Variants in GLIS1 observed in about 807,000 individuals in gnomAD.
The protein encoded by GLIS1 is GLIS family zinc finger 1.
Under a neutral mutation model 63.8 loss-of-function variants are expected in GLIS1, and 24 were observed. That is an observed-to-expected ratio of 0.38 (90% CI 0.27 to 0.53). GLIS1 has a LOEUF of 0.53. GLIS1 is among the 20% of genes least tolerant of loss of function. The pLI, the probability that GLIS1 is intolerant of heterozygous loss-of-function variation, is 0.85. For synonymous variants in GLIS1, 450 were observed against 482.5 expected (o/e 0.93, Z 0.88); for missense variants, 1,036 against 1,074.1 (o/e 0.96, Z 0.50).
intron 4 of GLIS1, among the ~76,000 whole-genome samples, chr1:53,530,473 G>A (rs1482079667): frequency 1.3e-5 from 2 of 152,208 alleles, no homozygotes; most frequent in East Asian, 3.9e-4. Flanking sequence ...GCCCCAGGGG[G>A]TAGGACATTG....
At chr1:53,513,926 G>T (rs1644323086) in intron 8 of GLIS1, among the ~76,000 whole-genome samples, 1 of 152,250 alleles carries the variant, frequency 6.6e-6, no homozygotes, top group African/African-American at 2.4e-5. Flanking sequence ...GGCCTGCGGG[G>T]ACAAGGTGAT....
intron 10 of GLIS1, among the ~76,000 whole-genome samples, chr1:53,508,339 T>C (rs1045974174): frequency 3.3e-5 from 5 of 152,236 alleles, no homozygotes; most frequent in Non-Finnish European, 7.4e-5. Flanking sequence ...TCAGTGCTTG[T>C]CCCTATATAC....
At chr1:53,663,546 G>A (rs771890677) in intron 2 of GLIS1, among the ~76,000 whole-genome samples, 3 of 152,242 alleles carry the variant, frequency 2.0e-5, no homozygotes, top group Non-Finnish European at 1.5e-5. Context: ...GAATCCAGAG[G>A]GGAGAACCCC....
intron 2 of GLIS1, among the ~76,000 whole-genome samples, chr1:53,670,677 G>A (rs1646141842): frequency 6.6e-6 from 1 of 152,190 alleles, no homozygotes; most frequent in African/African-American, 2.4e-5. Flanking sequence ...CAAAGCTCCA[G>A]TGTCTATGTA....
Position 53,598,737 on chromosome 1 carries a change from A to G in GLIS1, c.437+1364T>C, listed in dbSNP as rs1052971006. On this transcript the variant is annotated intron_variant, in intron 3 of 10. Coordinates refer to ENST00000628545, the MANE Select transcript of GLIS1 (RefSeq NM_001367484.1). This position sits in a 1 kb window ranked among gnomAD's most constrained non-coding sequence, Gnocchi z 4.6. Reference sequence around the variant, plus strand: ...AACCACCTAGTCCATGGCATTTGCTATGGCAGCCTAAACAAACGAATACAC... The same window carrying G: ...AACCACCTAGTCCATGGCATTTGCTGTGGCAGCCTAAACAAACGAATACAC... 6.6e-6 allele frequency among the ~76,000 whole-genome samples: 1 copy of G among 152,326 alleles called. No individual in the cohort carries two copies. Among genetic ancestry groups the G allele is most frequent in the South Asian group, 2.1e-4 (1 of 4,832 alleles).
At chr1:53,567,748 G>A (rs1644947476) in intron 4 of GLIS1, among the ~76,000 whole-genome samples, 1 of 152,262 alleles carries the variant, frequency 6.6e-6, no homozygotes, top group Non-Finnish European at 1.5e-5. Context: ...TACAAGTCAG[G>A]TCATTGCTTC....
chr1:53,548,433 G>C (rs1055598843), intron 4 of GLIS1, among the ~76,000 whole-genome samples: 1 of 152,204 alleles, frequency 6.6e-6, no homozygotes, highest in Non-Finnish European at 1.5e-5. Flanking sequence ...ACGCATGGAC[G>C]CCTGCTCCAG....
At chr1:53,573,355 G>T (rs1004405431) in intron 4 of GLIS1, among the ~76,000 whole-genome samples, 1 of 152,006 alleles carries the variant, frequency 6.6e-6, no homozygotes, top group Non-Finnish European at 1.5e-5. Context: ...CAGTGGCGGT[G>T]GGGGGAGACC....
At chr1:53,643,709 C>A (rs1569974376) in intron 2 of GLIS1, among the ~76,000 whole-genome samples, 1 of 152,162 alleles carries the variant, frequency 6.6e-6, no homozygotes, top group Admixed American at 6.5e-5. Flanking sequence ...GAGGGTGAGG[C>A]CTCCTCCTAC....
At chr1:53,561,834 G>A (rs985749229) in intron 4 of GLIS1, among the ~76,000 whole-genome samples, 1 of 152,190 alleles carries the variant, frequency 6.6e-6, no homozygotes, top group African/African-American at 2.4e-5. Flanking sequence ...GGTCCAGAGG[G>A]TGTCCAGAGA....
At chr1:53,510,653 A>C (rs1186263067) in intron 8 of GLIS1, among the ~76,000 whole-genome samples, 2 of 152,206 alleles carry the variant, frequency 1.3e-5, no homozygotes, top group Non-Finnish European at 2.9e-5. Flanking sequence ...GGTGACATTA[A>C]AGCAATATAG....
chr1:53,674,440 G>GT lies in GLIS1; in HGVS notation c.259+63365dup, dbSNP rs561889118. On this transcript the variant is annotated intron_variant, in intron 2 of 10. Transcript: ENST00000628545. ...GGTACAGGAAAGTGTAAGAAACACT[G>GT]TTTTTAAAATCACAGGTCTAAATTA... 9.2e-5 allele frequency among the ~76,000 whole-genome samples: 14 copies of GT among 152,316 alleles called. 1 individual carries two copies. The South Asian group carries it at 1.4e-3, about 16-fold the overall frequency.
chr1:53,544,194 C>T (rs1193439989), intron 4 of GLIS1, among the ~76,000 whole-genome samples: 8 of 152,316 alleles, frequency 5.3e-5, no homozygotes, highest in South Asian at 2.1e-4. Context: ...TGTGCTGAAC[C>T]GCTCGGCTAT....
intron 2 of GLIS1, among the ~76,000 whole-genome samples, chr1:53,620,232 T>A (rs1378514744): frequency 6.6e-6 from 1 of 152,212 alleles, no homozygotes; most frequent in Admixed American, 6.5e-5. Context: ...ACAGATGACC[T>A]CATTAGTCCT....
Position 53,506,460 on chromosome 1 carries a change from G to T in GLIS1, c.*159C>A. 5 of 722,420 alleles carry T rather than the reference G, an allele frequency of 6.9e-6. No homozygotes were observed. Among genetic ancestry groups the T allele is most frequent in the Middle Eastern group, 4.0e-4 (1 of 2,530 alleles). The allele number at this position is 722,420 out of a possible 1,614,324, so 44.8% of individuals were successfully genotyped here. On this transcript the variant is annotated 3_prime_UTR_variant, in exon 11 of 11. Transcript: ENST00000628545. ...AAGCTCGGATGGCGGCTCCCTGGCA[G>T]CGCTGGGTGGGGTGGCAGCGCTGGC... is the stretch of plus-strand genomic sequence containing the variant.
At chr1:53,587,856 C>A (rs531681021) in intron 4 of GLIS1, among the ~76,000 whole-genome samples, 25 of 152,304 alleles carry the variant, frequency 1.6e-4, no homozygotes, top group African/African-American at 5.8e-4. Flanking sequence ...TCTGGATATT[C>A]TCTCAATGTT....
chr1:53,639,633 G>A lies in GLIS1; in HGVS notation c.260-39355C>T, dbSNP rs1003402701. On this transcript the variant is annotated intron_variant, in intron 2 of 10. Coordinates refer to ENST00000628545, the MANE Select transcript of GLIS1 (RefSeq NM_001367484.1). The surrounding 1 kb of genome is among the most constrained non-coding windows in gnomAD (Gnocchi z 4.6). ...AATATTTTCTTTCCTGTCTTACCTC[G>A]GAGACAGGGTGGGGCTTTTTTTTTC... Among the ~76,000 whole-genome samples, 25 of 152,204 alleles carry A rather than the reference G, an allele frequency of 1.6e-4. No individual in the cohort carries two copies. The highest frequency in any genetic ancestry group is 2.6e-4 in the African/African-American group (11 of 41,518).
At chr1:53,551,538 G>C (rs1644759553) in intron 4 of GLIS1, among the ~76,000 whole-genome samples, 1 of 152,154 alleles carries the variant, frequency 6.6e-6, no homozygotes, top group Non-Finnish European at 1.5e-5. Flanking sequence ...TGGGCTTCTG[G>C]GAAAACGTCA....
At chr1:53,614,116 G>C (rs893646487) in intron 2 of GLIS1, among the ~76,000 whole-genome samples, 2 of 152,152 alleles carry the variant, frequency 1.3e-5, no homozygotes, top group African/African-American at 4.8e-5. Context: ...CTATATGCCA[G>C]GACCAGGCAC....
Sources: allele counts gnomAD v4.1 joint callset (sites outside exome capture counted in the v4.1 genomes callset), GRCh38; gene constraint gnomAD v4.1.1; non-coding constraint Gnocchi (gnomAD v3.1); transcripts MANE v1.5; gene names NCBI Gene and HGNC (gene_info 2026-07-23, HGNC 2026-07-21).